DOK5: variants seen among roughly 807,000 people sequenced by gnomAD.
DOK5 encodes docking protein 5, also known as downstream of tyrosine kinase 5.
Under a neutral mutation model 43.3 loss-of-function variants are expected in DOK5, and 27 were observed. That is an observed-to-expected ratio of 0.62 (90% CI 0.46 to 0.86). The LOEUF is 0.86. Among genes scored for constraint, DOK5 ranks in the 40% least tolerant of loss-of-function variants. DOK5 has a pLI of 0.00. For missense variants in DOK5, 373 were observed against 392.9 expected (o/e 0.95, Z 0.43); for synonymous variants, 146 against 140.1 (o/e 1.04, Z -0.30).
intron 2 of DOK5, among the ~76,000 whole-genome samples, chr20:54,574,253 G>C (rs749269299): frequency 6.6e-6 from 1 of 152,034 alleles, no homozygotes; most frequent in Non-Finnish European, 1.5e-5. Flanking sequence ...AATAGGACTA[G>C]ATAGACACCT....
chr20:54,524,299 C>T (rs1205741288), intron 1 of DOK5, among the ~76,000 whole-genome samples: 1 of 152,096 alleles, frequency 6.6e-6, no homozygotes, highest in Non-Finnish European at 1.5e-5. Flanking sequence ...TCACTTTGCC[C>T]CTTTGTTCTC....
chr20:54,568,802 C>T (rs1253083096), intron 2 of DOK5, among the ~76,000 whole-genome samples: 20 of 151,738 alleles, frequency 1.3e-4, no homozygotes, highest in African/African-American at 4.8e-4. Context: ...TGGTGGCGGG[C>T]GCCTGTAGTC....
rs6023302 is a variant in DOK5 at position 54,498,675 on chromosome 20, G to T, written c.66+22663G>T. 2.5e-4 allele frequency among the ~76,000 whole-genome samples: 38 copies of T among 152,280 alleles called. 1 individual carries two copies. The highest frequency in any genetic ancestry group is 9.1e-4 in the African/African-American group (38 of 41,544). ...GCAAAATTACATTCAATATTTAAGGGCCACGATCCTGGTGAACTGTATAAA... is the reference window on the plus strand; with the variant it reads ...GCAAAATTACATTCAATATTTAAGGTCCACGATCCTGGTGAACTGTATAAA... On this transcript the variant is annotated intron_variant, in intron 1 of 7. Transcript: ENST00000262593.
At chr20:54,649,660 A>C (rs896878829) in intron 7 of DOK5, among the ~76,000 whole-genome samples, 1 of 152,166 alleles carries the variant, frequency 6.6e-6, no homozygotes, top group Non-Finnish European at 1.5e-5. Context: ...AGTTTTTGTT[A>C]AATCAGGGAC....
rs899119840 is a variant in DOK5, at chr20:54,485,307, C to T, written c.66+9295C>T. Among the ~76,000 whole-genome samples, 11 of 148,152 alleles carry T rather than the reference C, an allele frequency of 7.4e-5. No individual in the cohort carries two copies. The East Asian group carries it at 2.0e-3, about 27-fold the overall frequency. ...GGCGGAGGTTGCAGTGAGCTGAGAT[C>T]GTGCCATTGCACTCCAGCCTGGGTG... On this transcript the variant is annotated intron_variant, in intron 1 of 7. Coordinates refer to ENST00000262593, the MANE Select transcript of DOK5 (RefSeq NM_018431.5).
At chr20:54,614,011 T>A (rs911819495) in intron 6 of DOK5, among the ~76,000 whole-genome samples, 2 of 149,184 alleles carry the variant, frequency 1.3e-5, no homozygotes, top group African/African-American at 4.9e-5. Context: ...TATACATATA[T>A]ATATGGTTAT....
intron 6 of DOK5, among the ~76,000 whole-genome samples, chr20:54,613,196 C>G (rs868285651): frequency 2.5e-4 from 33 of 130,992 alleles, no homozygotes; most frequent in African/African-American, 8.8e-4. Context: ...CGCCTCATCT[C>G]TCTCTCTCTC....
chr20:54,504,558 A>G (rs1021728424), intron 1 of DOK5, among the ~76,000 whole-genome samples: 2 of 152,174 alleles, frequency 1.3e-5, no homozygotes, highest in African/African-American at 4.8e-5. Context: ...GTTCTGTGCC[A>G]TTTGTTGCCT....
chr20:54,550,270 C>T (rs538769787), intron 1 of DOK5, among the ~76,000 whole-genome samples: 2 of 151,234 alleles, frequency 1.3e-5, no homozygotes, highest in African/African-American at 4.9e-5. Context: ...AATATCTGTA[C>T]ATCTTACTGT....
chr20:54,577,847 T>C (rs1017775612), intron 2 of DOK5, among the ~76,000 whole-genome samples: 4 of 152,162 alleles, frequency 2.6e-5, no homozygotes, highest in African/African-American at 7.2e-5. Context: ...CTGACCTAAT[T>C]ACATGCACTT....
intron 1 of DOK5, among the ~76,000 whole-genome samples, chr20:54,512,277 A>G (rs1025106187): frequency 6.6e-6 from 1 of 152,256 alleles, no homozygotes; most frequent in African/African-American, 2.4e-5. Context: ...ATCCTTCTCA[A>G]GGGAAAAGAG....
intron 1 of DOK5, among the ~76,000 whole-genome samples, chr20:54,548,066 T>C (rs1984404327): frequency 6.6e-6 from 1 of 152,064 alleles, no homozygotes; most frequent in South Asian, 2.1e-4. Flanking sequence ...CTAAACATCC[T>C]ACCATGCACA....
intron 2 of DOK5, among the ~76,000 whole-genome samples, chr20:54,562,260 T>C (rs1984934161): frequency 6.6e-6 from 1 of 152,142 alleles, no homozygotes; most frequent in Admixed American, 6.5e-5. Flanking sequence ...ATACTAGTAT[T>C]GCATAGTAGA....
At chr20:54,584,704 A>C (rs970160601) in intron 2 of DOK5, among the ~76,000 whole-genome samples, 2 of 150,016 alleles carry the variant, frequency 1.3e-5, no homozygotes, top group Non-Finnish European at 3.0e-5. Flanking sequence ...ATAGTACTAT[A>C]ATATGTACTC....
At chr20:54,605,240 TTCTG>T (rs1385084482) in intron 5 of DOK5, among the ~76,000 whole-genome samples, 2 of 152,186 alleles carry the variant, frequency 1.3e-5, no homozygotes, top group Admixed American at 6.6e-5. Context: ...TACTTATTCA[TTCTG>T]TCTACCATGA....
intron 1 of DOK5, among the ~76,000 whole-genome samples, chr20:54,510,956 T>C (rs886193685): frequency 1.3e-5 from 2 of 152,196 alleles, no homozygotes; most frequent in Non-Finnish European, 2.9e-5. Flanking sequence ...CATTTGCATC[T>C]GAGGACAGTC....
intron 2 of DOK5, among the ~76,000 whole-genome samples, chr20:54,568,424 G>A (rs974968360): frequency 6.6e-6 from 1 of 152,154 alleles, no homozygotes; most frequent in Non-Finnish European, 1.5e-5. Context: ...GAAAGGGTGG[G>A]TTTTCTCAAG....
rs574515819 is a variant in DOK5, at chr20:54,537,710, A to G, written c.67-17223A>G. Among the ~76,000 whole-genome samples the G allele has an allele frequency of 3.2e-4, 49 of 152,168 alleles. No individual in the cohort carries two copies. The South Asian group carries it at 9.8e-3, about 30-fold the overall frequency. ...CATTGTAACTAAAGATCTAACATTC[A>G]TGTCAACAGGGCCCAGAAGGAGAGG... On this transcript the variant is annotated intron_variant, in intron 1 of 7. Coordinates refer to ENST00000262593, the MANE Select transcript of DOK5 (RefSeq NM_018431.5).
chr20:54,547,215 T>C (rs1984378770), intron 1 of DOK5, among the ~76,000 whole-genome samples: 1 of 152,202 alleles, frequency 6.6e-6, no homozygotes, highest in African/African-American at 2.4e-5. Context: ...CTATATTTGC[T>C]GAGTTGAGTA....
Sources: allele counts gnomAD v4.1 joint callset (sites outside exome capture counted in the v4.1 genomes callset), GRCh38; gene constraint gnomAD v4.1.1; transcripts MANE v1.5; gene names NCBI Gene and HGNC (gene_info 2026-07-23, HGNC 2026-07-21).